CACNA1F: variants seen among roughly 807,000 people sequenced by gnomAD.
The protein encoded by CACNA1F is voltage-dependent L-type calcium channel subunit alpha-1F.
In CACNA1F, 59 loss-of-function variants were observed where a neutral mutation model predicts 143.8. That is an observed-to-expected ratio of 0.41 (90% CI 0.33 to 0.51). The LOEUF (loss-of-function observed/expected upper bound fraction) is 0.51. Among genes scored for constraint, CACNA1F ranks in the 20% least tolerant of loss-of-function variants. The pLI, the probability that CACNA1F is intolerant of heterozygous loss-of-function variation, is 0.22. For missense variants in CACNA1F, 1,411 were observed against 1,647.5 expected (o/e 0.86, Z 2.48); for synonymous variants, 643 against 649.1 (o/e 0.99, Z 0.14).
chrX:49,213,742 G>A (rs1237037629), intron 31 of CACNA1F, 77 bp downstream of exon 31: 6 of 726,370 alleles, frequency 8.3e-6, no homozygotes, highest in East Asian at 6.3e-5. Flanking sequence ...ACCCACCCAC[G>A]TGAAAGGGAA....
intron 1 of CACNA1F, 73 bp downstream of exon 1, chrX:49,233,212 G>A: frequency 9.0e-7 from 1 of 1,108,822 alleles, no homozygotes; most frequent in Non-Finnish European, 1.2e-6. Flanking sequence ...GGTGGGGTCT[G>A]GGTGGGCAAT....
chrX:49,219,765 TTCCTCCTCC>T lies in CACNA1F; in HGVS notation c.2403_2411del (p.Glu812_Glu814del). On this transcript the variant is annotated inframe_deletion, in exon 20 of 48. Transcript: ENST00000323022. ...CCTCTTCTTCCTCTTCTTCCTCTTC[TTCCTCCTCC>T]TCCTCCTCCTCCATGTCTGGCACCA... 1.8e-6 allele frequency: 2 copies of T among 1,109,213 alleles called. No homozygotes were observed. The highest frequency in any genetic ancestry group is 2.4e-6 in the Non-Finnish European group (2 of 820,114). 91.4% of individuals were successfully genotyped at this position (1,109,213 alleles called of 1,213,427 possible). A position where few individuals can be genotyped will look rare whatever the true frequency, so the allele number is the denominator to read the frequency against.
intron 35 of CACNA1F, 91 bp from the exon 36 acceptor site, chrX:49,211,572 T>A (rs2065658144): frequency 2.6e-6 from 2 of 765,333 alleles, no homozygotes; most frequent in Admixed American, 2.3e-5. Context: ...AATGAGGAGA[T>A]GACCTACTTC....
intron 13 of CACNA1F, 33 bp from the exon 14 acceptor site, chrX:49,225,019 G>A (rs1329108810): frequency 4.0e-6 from 4 of 1,011,394 alleles, no homozygotes; most frequent in Non-Finnish European, 5.5e-6. Context: ...GATCGGGCTG[G>A]CCAGTTTCTG....
Position 49,220,929 on chromosome X carries a change from A to G in CACNA1F, c.2334+106T>C, listed in dbSNP as rs1202091883. On this transcript the variant is annotated intron_variant, in intron 18 of 47. Transcript: ENST00000323022. ...ACTCCAGCCTGGGCGACAGAGTGAG[A>G]CTCTATCTCAAAATAAAACAACAAC... The G allele has an allele frequency of 2.8e-5, 19 of 690,353 alleles. No homozygotes were observed. In the Admixed American group the frequency reaches 4.7e-4, roughly 17 times the overall value. The allele number at this position is 690,353 out of a possible 1,213,427, so 56.9% of individuals were successfully genotyped here. A position where few individuals can be genotyped will look rare whatever the true frequency, so the allele number is the denominator to read the frequency against.
intron 42 of CACNA1F, 55 bp downstream of exon 42, chrX:49,209,207 G>A (rs1290733714): frequency 8.4e-7 from 1 of 1,192,979 alleles, no homozygotes; most frequent in Non-Finnish European, 1.1e-6. Context: ...TCACTCAGGG[G>A]ATTGACGAAG....
In CACNA1F at chrX:49,233,334, T is replaced by C; in HGVS notation, c.-25A>G. ...TCTTTCTTTCGAGATTGAAGGGCCATCTGCACACAACCCCCCTCTCTTCCC... is the reference window on the plus strand; with the variant it reads ...TCTTTCTTTCGAGATTGAAGGGCCACCTGCACACAACCCCCCTCTCTTCCC... On this transcript the variant is annotated 5_prime_UTR_variant, in exon 1 of 48. An upstream start codon of the reference 5' UTR is lost. Coordinates refer to ENST00000323022, the MANE Select transcript of CACNA1F (RefSeq NM_001256789.3). The C allele has an allele frequency of 1.7e-6, 2 of 1,162,593 alleles. No homozygotes were observed. The highest frequency in any genetic ancestry group is 1.2e-6 in the Non-Finnish European group (1 of 850,738).
At chrX:49,230,639 G>A (rs1557111128) in intron 4 of CACNA1F, 30 bp from the exon 5 acceptor site, 1 of 1,154,953 alleles carries the variant, frequency 8.7e-7, no homozygotes. Flanking sequence ...CAGGGAGGCG[G>A]AGGTCAGGCC....
At chrX:49,215,303 T>C (rs2065700356) in intron 28 of CACNA1F, 39 bp downstream of exon 28, 1 of 1,203,793 alleles carries the variant, frequency 8.3e-7, no homozygotes, top group African/African-American at 1.7e-5. Flanking sequence ...GAGGGAAGGG[T>C]TGGTGACCAT....
intron 26 of CACNA1F, among the ~76,000 whole-genome samples, chrX:49,217,229 G>C (rs782127701): frequency 3.5e-5 from 4 of 112,874 alleles, no homozygotes; most frequent in South Asian, 3.6e-4. Context: ...AAAGTGCTGG[G>C]ATTACAGGCG....
At chrX:49,212,566 A>G in intron 33 of CACNA1F, 101 bp downstream of exon 33, 1 of 898,480 alleles carries the variant, frequency 1.1e-6, no homozygotes, top group Non-Finnish European at 1.6e-6. Context: ...GGAAATGGGT[A>G]TGGCATGTTG....
At chrX:49,216,072 C>T (rs181196404) in intron 27 of CACNA1F, among the ~76,000 whole-genome samples, 1 of 110,480 alleles carries the variant, frequency 9.1e-6, no homozygotes, top group Non-Finnish European at 1.9e-5. Context: ...CCTCAGACCT[C>T]CACTCTGTCC....
chrX:49,226,248 A>T lies in CACNA1F; in HGVS notation c.1464-5T>A. 1 of 1,205,468 alleles carries T rather than the reference A, an allele frequency of 8.3e-7. No individual in the cohort carries two copies. Among genetic ancestry groups the T allele is most frequent in the Non-Finnish European group, 1.1e-6 (1 of 889,895 alleles). On this transcript the variant is annotated splice_region_variant and splice_polypyrimidine_tract_variant and intron_variant, in intron 11 of 47. Coordinates refer to ENST00000323022, the MANE Select transcript of CACNA1F (RefSeq NM_001256789.3). ...CTGGTTTTCATGATCTTGTTTCTGA[A>T]AAAGAAGGGGGATGGGAGGTGTGTG...
In CACNA1F at chrX:49,212,792, A is replaced by C; in HGVS notation, c.3817T>G (p.Ser1273Ala). ...VNNGGHLGESSEDSSRISITF... is the reference protein window; with the variant it reads ...VNNGGHLGESAEDSSRISITF... ...ATGGAAATGCGGGAGCTGTCCTCAG[A>C]GCTCTGGGGTGAGGGGTGCAGTAGG... Residue 1273 changes from serine to alanine, a missense_variant, in exon 33 of 48, where the codon TCT becomes GCT. By Grantham distance (99) the Ser-to-Ala change is moderately conservative. This residue lies in a region of CACNA1F where 950 missense variants were observed against 1,128.1 expected (regional missense o/e 0.84). Transcript: ENST00000323022. 1.7e-6 allele frequency: 2 copies of C among 1,210,286 alleles called. No homozygotes were observed. The highest frequency in any genetic ancestry group is 2.2e-6 in the Non-Finnish European group (2 of 894,674).
chrX:49,219,072 T>C, intron 21 of CACNA1F, 131 bp from the exon 22 acceptor site: 7 of 626,321 alleles, frequency 1.1e-5, no homozygotes, highest in Non-Finnish European at 1.6e-5. Context: ...CCCAGCTACA[T>C]GGGCGCCTTT....
At chrX:49,208,421 C>CCCCCCCCCCCCAA in intron 43 of CACNA1F, 94 bp downstream of exon 43, 1 of 444,897 alleles carries the variant, frequency 2.2e-6, no homozygotes, top group Non-Finnish European at 3.8e-6. Context: ...GCCCTCCCTC[C>CCCCCCCCCCCCAA]CACCCCCCTC....
rs782452745 is a variant in CACNA1F at position 49,212,721 on chromosome X, G to T, written c.3888C>A (p.Leu1296=). 3.3e-6 allele frequency: 4 copies of T among 1,208,973 alleles called. No individual in the cohort carries two copies. The highest frequency in any genetic ancestry group is 4.5e-6 in the Non-Finnish European group (4 of 893,621). Residue 1296 remains leucine, a synonymous_variant, in exon 33 of 48, where the codon CTC becomes CTA. Coordinates refer to ENST00000323022, the MANE Select transcript of CACNA1F (RefSeq NM_001256789.3). Reference sequence around the variant, plus strand: ...ATGTGCGGATCCCTTCACCCTTACTGAGAAGCTTGACCAGCCGCATAACTC... The same window carrying T: ...ATGTGCGGATCCCTTCACCCTTACTTAGAAGCTTGACCAGCCGCATAACTC... ...LFRVMRLVKL[L]SKGEGIRTLL...
intron 29 of CACNA1F, among the ~76,000 whole-genome samples, chrX:49,214,752 A>G: frequency 8.9e-6 from 1 of 112,148 alleles, no homozygotes. Flanking sequence ...TACATGAGGT[A>G]ATTACCACAG....
In CACNA1F at chrX:49,209,986, G is replaced by A. The variant is rs782017505; in HGVS notation, c.4645C>T (p.Arg1549Trp). The change falls in exon 40 of 48, where the codon CGG becomes TGG. Residue 1549 changes from arginine to tryptophan, a missense_variant. Physicochemically the swap from Arg to Trp is moderately radical, Grantham distance 101. This residue lies in a region of CACNA1F where 112 missense variants were observed against 169.2 expected (regional missense o/e 0.66). Coordinates refer to ENST00000323022, the MANE Select transcript of CACNA1F (RefSeq NM_001256789.3). ...TCATCTAGCAGCTTCTGTTTCATCC[G>A]CTTCCAGATCTTTTTGATGACAATC... ...LRIVIKKIWK[R>W]MKQKLLDEVI... is the part of the protein sequence containing the mutation. The A allele has an allele frequency of 2.5e-6, 3 of 1,210,204 alleles. No individual in the cohort carries two copies. Among genetic ancestry groups the A allele is most frequent in the Non-Finnish European group, 2.2e-6 (2 of 893,985 alleles).
Sources: allele counts gnomAD v4.1 joint callset (sites outside exome capture counted in the v4.1 genomes callset), GRCh38; gene constraint gnomAD v4.1.1; regional missense constraint gnomAD v4.1.1; transcripts MANE v1.5; gene names NCBI Gene and HGNC (gene_info 2026-07-23, HGNC 2026-07-21).